The following EPM2A variants were observed in gnomAD, a reference collection of about 807,000 sequenced individuals.
EPM2A encodes EPM2A glucan phosphatase, laforin, also known as laforin.
EPM2A carries 21 observed loss-of-function variants against 26.5 expected under a neutral mutation model. That is an observed-to-expected ratio of 0.79 (90% CI 0.56 to 1.14). EPM2A has a LOEUF of 1.14. EPM2A is among the 50% of genes most tolerant of loss of function. EPM2A has a pLI of 0.00. For missense variants in EPM2A, 458 were observed against 440.8 expected, an observed-to-expected ratio of 1.04 and a Z score of -0.35; for synonymous variants, 217 against 177.6, an observed-to-expected ratio of 1.22 and a Z score of -1.76.
At chr6:145,519,737 A>T (rs1472775115) in intron 2 of EPM2A, among the ~76,000 whole-genome samples, 1 of 152,116 alleles carries the variant, frequency 6.6e-6, no homozygotes, top group Non-Finnish European at 1.5e-5. Context: ...CTCGCAAAGG[A>T]ATAAGCCAAT....
chr6:145,542,586 A>T (rs1359200626), intron 2 of EPM2A, among the ~76,000 whole-genome samples: 1 of 152,264 alleles, frequency 6.6e-6, no homozygotes, highest in Non-Finnish European at 1.5e-5. Flanking sequence ...ACTTTTCATA[A>T]AGCCAATTAG....
intron 2 of EPM2A, among the ~76,000 whole-genome samples, chr6:145,575,882 G>T (rs908975318): frequency 6.6e-6 from 1 of 152,122 alleles, no homozygotes; most frequent in Admixed American, 6.5e-5. Context: ...ACCATTCTTG[G>T]TACCAACATC....
At chr6:145,577,977 G>C (rs190386538) in intron 2 of EPM2A, among the ~76,000 whole-genome samples, 1 of 152,012 alleles carries the variant, frequency 6.6e-6, no homozygotes, top group East Asian at 1.9e-4. Context: ...AAATGAAGAA[G>C]AAAATTTAAA....
At chr6:145,434,738 C>T (rs1778966389) in intron 4 of EPM2A, among the ~76,000 whole-genome samples, 1 of 152,106 alleles carries the variant, frequency 6.6e-6, no homozygotes. Context: ...TTCTATTACT[C>T]CCAAAGAAAC....
intron 1 of EPM2A, among the ~76,000 whole-genome samples, chr6:145,732,237 G>GCA (rs1554269059): frequency 9.9e-5 from 2 of 20,226 alleles, no homozygotes; most frequent in Non-Finnish European, 1.3e-4. Context: ...GTGTGTGTGT[G>GCA]CGCGCCAAAG....
rs1239406349 is a variant in EPM2A at position 145,735,221 on chromosome 6, G to A, written c.278C>T (p.Pro93Leu). Reference protein sequence around the residue: ...TFWYKFLKREPGGELSWEGNG... With the variant: ...TFWYKFLKRELGGELSWEGNG... Reference sequence around the variant, plus strand: ...ACCTTCCCAGGAGAGCTCTCCTCCCGGCTCCCGCTTCAGGAACTTGTACCA... The same window carrying A: ...ACCTTCCCAGGAGAGCTCTCCTCCCAGCTCCCGCTTCAGGAACTTGTACCA... The change falls in exon 1 of 4, where the codon CCG (proline) becomes CTG (leucine). Residue 93 changes from proline to leucine, a missense_variant. Physicochemically the swap from Pro to Leu is moderately conservative, Grantham distance 98. Transcript: ENST00000367519. 9 of 1,533,942 alleles carry A rather than the reference G, an allele frequency of 5.9e-6. No homozygotes were observed. The highest frequency in any genetic ancestry group is 1.7e-4 in the Middle Eastern group (1 of 5,732).
chr6:145,731,201 G>A (rs1429844764), intron 1 of EPM2A, among the ~76,000 whole-genome samples: 3 of 152,210 alleles, frequency 2.0e-5, no homozygotes, highest in Admixed American at 2.0e-4. Flanking sequence ...CACACACCCT[G>A]AGCGGAATTT....
intron 4 of EPM2A, among the ~76,000 whole-genome samples, chr6:145,437,821 A>G (rs1430906231): frequency 6.6e-6 from 1 of 152,222 alleles, no homozygotes; most frequent in East Asian, 1.9e-4. Flanking sequence ...TTCAGTCCAG[A>G]TCTTGAAGGT....
chr6:145,498,714 G>A (rs1484455263), downstream of EPM2A, among the ~76,000 whole-genome samples: 1 of 152,138 alleles, frequency 6.6e-6, no homozygotes, highest in Admixed American at 6.5e-5. Flanking sequence ...ATCAGCCCCA[G>A]TGCAAGTACC....
At chr6:145,553,113 G>A (rs1393990587) in intron 2 of EPM2A, among the ~76,000 whole-genome samples, 1 of 152,032 alleles carries the variant, frequency 6.6e-6, no homozygotes, top group African/African-American at 2.4e-5. Context: ...GATAATGAGT[G>A]AGACTCATGA....
At chr6:145,398,103 G>A (rs1246387191) in intron 4 of EPM2A, among the ~76,000 whole-genome samples, 1 of 143,692 alleles carries the variant, frequency 7.0e-6, no homozygotes, top group African/African-American at 2.5e-5. Flanking sequence ...GAAATTTTAT[G>A]TATTTTAGAC....
chr6:145,707,004 G>A (rs998351374), intron 1 of EPM2A, among the ~76,000 whole-genome samples: 30 of 152,228 alleles, frequency 2.0e-4, no homozygotes, highest in African/African-American at 7.0e-4. Context: ...TTTCCCCTCT[G>A]CCATGTGAGG....
At chr6:145,391,643 G>A (rs1778338251) in intron 4 of EPM2A, among the ~76,000 whole-genome samples, 1 of 152,068 alleles carries the variant, frequency 6.6e-6, no homozygotes, top group Non-Finnish European at 1.5e-5. Flanking sequence ...GCTTTTCAGT[G>A]TCAGCTGGAA....
At chr6:145,459,708 C>G (rs1227451893) in intron 4 of EPM2A, among the ~76,000 whole-genome samples, 1 of 152,066 alleles carries the variant, frequency 6.6e-6, no homozygotes, top group South Asian at 2.1e-4. Flanking sequence ...GCATACTATA[C>G]TATACTATAC....
At chr6:145,559,241 T>A (rs995171123) in intron 2 of EPM2A, among the ~76,000 whole-genome samples, 2 of 152,016 alleles carry the variant, frequency 1.3e-5, no homozygotes, top group Admixed American at 6.6e-5. Flanking sequence ...AGAGAGAAGG[T>A]GAACAGGCAA....
At chr6:145,568,511 C>A (rs1430546487) in intron 2 of EPM2A, among the ~76,000 whole-genome samples, 1 of 151,952 alleles carries the variant, frequency 6.6e-6, no homozygotes, top group African/African-American at 2.4e-5. Context: ...TAAGTAGAAA[C>A]GCGGTTTCTC....
chr6:145,386,405 T>G (rs541759479), intron 4 of EPM2A, among the ~76,000 whole-genome samples: 1 of 152,134 alleles, frequency 6.6e-6, no homozygotes, highest in Non-Finnish European at 1.5e-5. Flanking sequence ...CGAAATCATG[T>G]GAATTATCAA....
intron 4 of EPM2A, among the ~76,000 whole-genome samples, chr6:145,416,907 T>C (rs1448467443): frequency 6.6e-6 from 1 of 152,072 alleles, no homozygotes; most frequent in Non-Finnish European, 1.5e-5. Flanking sequence ...AGAGTAAATA[T>C]ATCTTGTGAA....
At chr6:145,681,297 T>C (rs1379797684) in intron 2 of EPM2A, among the ~76,000 whole-genome samples, 66 of 150,472 alleles carry the variant, frequency 4.4e-4, no homozygotes, top group Non-Finnish European at 8.8e-4. Context: ...TATTAGCCCT[T>C]TGTCAGATGA....
Sources: allele counts gnomAD v4.1 joint callset (sites outside exome capture counted in the v4.1 genomes callset), GRCh38; gene constraint gnomAD v4.1.1; transcripts MANE v1.5; gene names NCBI Gene and HGNC (gene_info 2026-07-23, HGNC 2026-07-21).